Variants in INSL6 observed in about 807,000 individuals in gnomAD.
INSL6 encodes the protein insulin-like peptide INSL6.
INSL6 carries 16 observed loss-of-function variants against 9.4 expected under a neutral mutation model. That is an observed-to-expected ratio of 1.70 (90% CI 1.15 to 2.59). INSL6 has a LOEUF of 2.59. INSL6 is among the 30% of genes most tolerant of loss of function. The pLI is 0.00. For synonymous variants in INSL6, 154 were observed against 96.9 expected (o/e 1.59, Z -3.46); for missense variants, 391 against 257.3 (o/e 1.52, Z -3.56).
At chr9:5,082,676 C>T in the INSL6 span, among the ~76,000 whole-genome samples, 8 of 152,216 alleles carry the variant, frequency 5.3e-5, no homozygotes, top group East Asian at 1.9e-4. Context: ...GGACATTACC[C>T]GGCTTTCCAG....
At chr9:5,059,910 T>C in the INSL6 span, among the ~76,000 whole-genome samples, 1 of 152,212 alleles carries the variant, frequency 6.6e-6, no homozygotes, top group African/African-American at 2.4e-5. Context: ...TTCTGATCAA[T>C]CTGTAGAGTC....
At chr9:5,037,831 A>G in the INSL6 span, among the ~76,000 whole-genome samples, 1 of 152,230 alleles carries the variant, frequency 6.6e-6, no homozygotes, top group Non-Finnish European at 1.5e-5. Flanking sequence ...TGTTGTGCAC[A>G]TGTACCCTAA....
chr9:5,107,569 T>C, the INSL6 span, among the ~76,000 whole-genome samples: 2 of 152,148 alleles, frequency 1.3e-5, no homozygotes, highest in African/African-American at 2.4e-5. Flanking sequence ...TTGAATTGAA[T>C]TGGTAAATAG....
At chr9:5,042,153 C>T in the INSL6 span, among the ~76,000 whole-genome samples, 4 of 124,926 alleles carry the variant, frequency 3.2e-5, no homozygotes, top group African/African-American at 1.3e-4. Flanking sequence ...TTTTTTGAGA[C>T]GGAGTCTCGC....
chr9:5,126,925 T>C, intron 3 of INSL6: 2 of 476,958 alleles, frequency 4.2e-6, no homozygotes, highest in Non-Finnish European at 7.1e-6. Context: ...TGTGAAAATA[T>C]CTGCTCAAAA....
the INSL6 span, among the ~76,000 whole-genome samples, chr9:5,028,728 T>C: frequency 6.6e-6 from 1 of 152,370 alleles, no homozygotes; most frequent in Admixed American, 6.5e-5. Flanking sequence ...GTTAGGGACA[T>C]GGTTTCTTTT....
the INSL6 span, chr9:5,113,627 C>T: frequency 0.018 from 2,947 of 160,994 alleles, 122 homozygotes; most frequent in African/African-American, 0.068. Flanking sequence ...CTCCATGAAC[C>T]TGGGCTGCCT....
the INSL6 span, chr9:5,070,088 C>T: frequency 6.8e-7 from 1 of 1,461,926 alleles, no homozygotes. Context: ...TCTTTTTTGT[C>T]CTTTTAAAAC....
the INSL6 span, chr9:5,089,638 C>G: frequency 1.0e-6 from 1 of 1,001,854 alleles, no homozygotes; most frequent in Non-Finnish European, 1.3e-6. Context: ...GCCTTGAAAA[C>G]TTGGTATTTC....
the INSL6 span, chr9:5,041,715 G>A: frequency 2.0e-5 from 10 of 501,462 alleles, no homozygotes; most frequent in Admixed American, 2.2e-5. Context: ...CTCTGAGTAC[G>A]AGGGGCTCGG....
chr9:5,022,332 G>A, the INSL6 span: 41 of 625,198 alleles, frequency 6.6e-5, no homozygotes, highest in Middle Eastern at 4.3e-4. Context: ...TATGGCTGGC[G>A]TGTGTGTTTT....
At chr9:5,064,786 G>A in the INSL6 span, 2 of 885,346 alleles carry the variant, frequency 2.3e-6, no homozygotes, top group South Asian at 4.1e-5. Flanking sequence ...CAATTTAGAA[G>A]AAAATTGTAT....
chr9:5,086,927 A>AC, the INSL6 span, among the ~76,000 whole-genome samples: 38 of 151,550 alleles, frequency 2.5e-4, no homozygotes, highest in South Asian at 8.4e-4. Context: ...CAATTATATC[A>AC]CCCCCCCTTC....
chr9:5,054,442 C>A, the INSL6 span: 11 of 736,840 alleles, frequency 1.5e-5, no homozygotes, highest in Non-Finnish European at 2.5e-5. This position sits in a 1 kb window ranked among gnomAD's most constrained non-coding sequence, Gnocchi z 4.9. Context: ...CGCCACTTGG[C>A]CACTGTGTTG....
At chr9:5,125,001 TC>T (rs760137046) in intron 3 of INSL6, among the ~76,000 whole-genome samples, 6 of 151,376 alleles carry the variant, frequency 4.0e-5, no homozygotes, top group African/African-American at 9.7e-5. Flanking sequence ...TTTTATTAAA[TC>T]CAGTAAGCTA....
At chr9:5,017,384 C>A in the INSL6 span, among the ~76,000 whole-genome samples, 32,611 of 152,178 alleles carry the variant, frequency 0.21, 4,373 homozygotes, top group South Asian at 0.3. Context: ...AAATTTACTC[C>A]TTAATGCTAA....
At chr9:5,141,102 G>T (rs1235931170) in intron 2 of INSL6, among the ~76,000 whole-genome samples, 1 of 151,998 alleles carries the variant, frequency 6.6e-6, no homozygotes. Flanking sequence ...TTTTAATCCA[G>T]TCTATCACTG....
the INSL6 span, among the ~76,000 whole-genome samples, chr9:5,025,577 A>T: frequency 1.2e-4 from 17 of 142,636 alleles, no homozygotes; most frequent in Non-Finnish European, 1.8e-4. Context: ...TCTGTTGCCC[A>T]GGCTGGAGTG....
At chr9:5,015,492 A>G in the INSL6 span, among the ~76,000 whole-genome samples, 1 of 151,980 alleles carries the variant, frequency 6.6e-6, no homozygotes, top group East Asian at 1.9e-4. Context: ...CAAAGCAGTA[A>G]TGCTGGTTGT....
Sources: gnomAD v4.1 joint callset for allele counts (sites outside exome capture counted in the v4.1 genomes callset) on GRCh38, gnomAD v4.1.1 for gene constraint, Gnocchi (gnomAD v3.1) non-coding constraint, MANE v1.5 for transcripts, NCBI Gene and HGNC (gene_info 2026-07-23, HGNC 2026-07-21) for gene names.